The following MNAT1 variants were observed in gnomAD, a reference collection of about 807,000 sequenced individuals.
The protein encoded by MNAT1 is CDK-activating kinase assembly factor MAT1.
A neutral mutation model predicts 42.0 loss-of-function variants in MNAT1; 43 were observed. That is an observed-to-expected ratio of 1.02 (90% CI 0.80 to 1.32). MNAT1 has a LOEUF of 1.32. Among genes scored for constraint, MNAT1 ranks in the 40% most tolerant of loss-of-function variants. The pLI, the probability that MNAT1 is intolerant of heterozygous loss-of-function variation, is 0.00. For missense variants in MNAT1, 306 were observed against 350.4 expected (o/e 0.87, Z 1.01); for synonymous variants, 118 against 120.0 (o/e 0.98, Z 0.11).
intron 1 of MNAT1, among the ~76,000 whole-genome samples, chr14:60,743,608 G>T (rs924846124): frequency 1.1e-4 from 17 of 152,190 alleles, no homozygotes; most frequent in Non-Finnish European, 2.2e-4. Context: ...TTCTTATAGT[G>T]TAGGTGTGTT....
chr14:60,949,072 A>C (rs1415278741), intron 7 of MNAT1, among the ~76,000 whole-genome samples: 3 of 152,200 alleles, frequency 2.0e-5, no homozygotes, highest in African/African-American at 7.2e-5. Flanking sequence ...TTTTAAGTAT[A>C]TCTTTAAAGA....
At chr14:60,897,182 T>C (rs2034975088) in intron 7 of MNAT1, among the ~76,000 whole-genome samples, 1 of 152,256 alleles carries the variant, frequency 6.6e-6, no homozygotes, top group East Asian at 1.9e-4. Flanking sequence ...AATTACAGAG[T>C]ATTTAAGGTA....
chr14:60,925,554 C>G (rs1432870901), intron 7 of MNAT1, among the ~76,000 whole-genome samples: 1 of 152,132 alleles, frequency 6.6e-6, no homozygotes, highest in Non-Finnish European at 1.5e-5. Flanking sequence ...GAATTCTTCC[C>G]AAGTTTTGCT....
chr14:60,836,629 A>T (rs925105701), intron 6 of MNAT1, among the ~76,000 whole-genome samples: 5 of 152,196 alleles, frequency 3.3e-5, no homozygotes, highest in African/African-American at 1.2e-4. Flanking sequence ...CCAGAGGGGC[A>T]CTGGCTAGAT....
intron 7 of MNAT1, among the ~76,000 whole-genome samples, chr14:60,915,161 C>T (rs1201352912): frequency 6.6e-6 from 1 of 152,108 alleles, no homozygotes; most frequent in Non-Finnish European, 1.5e-5. Context: ...TAAATCTTAG[C>T]TTTTTGTTCT....
Position 60,961,056 on chromosome 14 carries a change from G to A in MNAT1, c.810-7173G>A, listed in dbSNP as rs1030767424. On this transcript the variant is annotated intron_variant, in intron 7 of 7. Coordinates refer to ENST00000261245, the MANE Select transcript of MNAT1 (RefSeq NM_002431.4). ...CAGCTCACCGCAACCTCTACCTCCC[G>A]GGTTCAAGTGATTCTCCTGCCTCAG... Among the ~76,000 whole-genome samples the A allele has an allele frequency of 3.3e-5, 5 of 151,866 alleles. No homozygotes were observed. In the East Asian group the frequency reaches 5.8e-4, roughly 18 times the overall value.
In MNAT1 at chr14:60,854,896, A is replaced by G. The variant is rs898438837; in HGVS notation, c.688-24818A>G. ...AGAGCTGGCAGGCAGGAACAATTCA[A>G]TCTGATGAAGCTGGGCCCATGGTCA... On this transcript the variant is annotated intron_variant, in intron 6 of 7. Coordinates refer to ENST00000261245, the MANE Select transcript of MNAT1 (RefSeq NM_002431.4). 1.1e-4 allele frequency among the ~76,000 whole-genome samples: 16 copies of G among 152,226 alleles called. No individual in the cohort carries two copies. The East Asian group carries it at 3.1e-3, about 29-fold the overall frequency.
chr14:60,767,480 A>G (rs144165337), intron 1 of MNAT1, among the ~76,000 whole-genome samples: 287 of 152,288 alleles, frequency 1.9e-3, no homozygotes, highest in African/African-American at 6.7e-3. Flanking sequence ...TACATAGAGG[A>G]TGGCTGAAGA....
chr14:60,763,614 T>A (rs1210031893), intron 1 of MNAT1, among the ~76,000 whole-genome samples: 6 of 152,166 alleles, frequency 3.9e-5, no homozygotes, highest in African/African-American at 1.4e-4. Context: ...ATGTGCTGTG[T>A]GTATCGTCTG....
chr14:60,887,196 C>A (rs2139477796), intron 7 of MNAT1, among the ~76,000 whole-genome samples: 1 of 65,476 alleles, frequency 1.5e-5, no homozygotes, highest in East Asian at 3.6e-4. Flanking sequence ...TGTTACATAT[C>A]AGAGCTGTTT....
intron 5 of MNAT1, among the ~76,000 whole-genome samples, chr14:60,814,298 G>A (rs935906250): frequency 1.3e-5 from 2 of 152,124 alleles, no homozygotes; most frequent in African/African-American, 4.8e-5. Context: ...GATAATGACA[G>A]TAATAATAAC....
intron 6 of MNAT1, among the ~76,000 whole-genome samples, chr14:60,826,761 A>C (rs1594782401): frequency 6.6e-6 from 1 of 152,354 alleles, no homozygotes; most frequent in East Asian, 1.9e-4. Context: ...ATAATTATGC[A>C]GCCTTCTATT....
rs1409410199 is a variant in MNAT1 at position 60,780,060 on chromosome 14, T to C, written c.90-16157T>C. ...GTGGACGAGTTCTTCTCATTCGGCA[T>C]CAACAGCATTTTATATCAGCGTGGC... On this transcript the variant is annotated intron_variant, in intron 1 of 7. Coordinates refer to ENST00000261245, the MANE Select transcript of MNAT1 (RefSeq NM_002431.4). 4 of 1,487,002 alleles carry C rather than the reference T, an allele frequency of 2.7e-6. No individual in the cohort carries two copies. In the South Asian group the frequency reaches 3.4e-5, roughly 13 times the overall value. The allele number at this position is 1,487,002 out of a possible 1,614,324, so 92.1% of individuals were successfully genotyped here.
intron 7 of MNAT1, among the ~76,000 whole-genome samples, chr14:60,887,390 T>G: frequency 1.8e-5 from 1 of 55,588 alleles, no homozygotes; most frequent in Non-Finnish European, 3.3e-5. Flanking sequence ...CCCTCCCCCC[T>G]CCCCCCACCC....
intron 1 of MNAT1, among the ~76,000 whole-genome samples, chr14:60,746,534 A>G (rs936821374): frequency 6.6e-6 from 1 of 151,572 alleles, no homozygotes; most frequent in African/African-American, 2.4e-5. Context: ...AAAAGAAGAA[A>G]AAATCAGTGT....
At chr14:60,824,805 A>C (rs1246213275) in intron 6 of MNAT1, among the ~76,000 whole-genome samples, 1 of 152,184 alleles carries the variant, frequency 6.6e-6, no homozygotes, top group East Asian at 1.9e-4. Context: ...GTTACCATTA[A>C]TGTTTGTTAT....
At chr14:60,930,116 T>A (rs552102273) in intron 7 of MNAT1, among the ~76,000 whole-genome samples, 1 of 151,872 alleles carries the variant, frequency 6.6e-6, no homozygotes, top group African/African-American at 2.4e-5. Flanking sequence ...TTAGTTGTGT[T>A]ACAAACACTA....
chr14:60,773,487 G>T (rs2031140107), intron 1 of MNAT1, among the ~76,000 whole-genome samples: 1 of 152,038 alleles, frequency 6.6e-6, no homozygotes, highest in African/African-American at 2.4e-5. Context: ...TAAGATTCTT[G>T]ATTTTGATAA....
At position 60,735,793 on chromosome 14, in the gene MNAT1, T is replaced by C. The variant is rs530958722; in HGVS notation, c.89+842T>C. On this transcript the variant is annotated intron_variant, in intron 1 of 7. Transcript: ENST00000261245. ...GTCAAAGTGTTTCTTGCCAGATTTCTTGTCAGATGTGGTTTAGTGAAGGTG... is the reference window on the plus strand; with the variant it reads ...GTCAAAGTGTTTCTTGCCAGATTTCCTGTCAGATGTGGTTTAGTGAAGGTG... 1.2e-3 allele frequency among the ~76,000 whole-genome samples: 184 copies of C among 152,370 alleles called. 1 individual carries two copies. The highest frequency in any genetic ancestry group is 4.2e-3 in the African/African-American group (175 of 41,594).
Sources: allele counts gnomAD v4.1 joint callset (sites outside exome capture counted in the v4.1 genomes callset), GRCh38; gene constraint gnomAD v4.1.1; transcripts MANE v1.5; gene names NCBI Gene and HGNC (gene_info 2026-07-23, HGNC 2026-07-21).